Variants in CD34 observed in about 807,000 individuals in gnomAD.
CD34 encodes CD34 molecule.
A neutral mutation model predicts 40.1 loss-of-function variants in CD34; 34 were observed. The ratio of observed to expected loss-of-function variants is 0.85; its 90% CI spans 0.65 to 1.13. The LOEUF (loss-of-function observed/expected upper bound fraction) is 1.13, where lower values mean the gene tolerates loss of function less well. Among genes scored for constraint, CD34 ranks in the 50% most tolerant of loss-of-function variants. The probability of loss-of-function intolerance (pLI) is 0.00; values close to 1 mark genes in which losing one functional copy is unlikely to be tolerated. For synonymous variants in CD34, 209 were observed against 190.0 expected, an observed-to-expected ratio of 1.10 and a Z score of -0.82; for missense variants, 426 against 466.9, an observed-to-expected ratio of 0.91 and a Z score of 0.81.
intron 4 of CD34, among the ~76,000 whole-genome samples, chr1:207,890,698 G>A (rs1662013401): frequency 6.6e-6 from 1 of 152,132 alleles, no homozygotes; most frequent in Non-Finnish European, 1.5e-5. Flanking sequence ...AAAACAACTG[G>A]GCTTGGATAA....
At chr1:207,902,320 G>A (rs1662287324) in intron 1 of CD34, among the ~76,000 whole-genome samples, 1 of 152,198 alleles carries the variant, frequency 6.6e-6, no homozygotes, top group Non-Finnish European at 1.5e-5. Context: ...AGGTTAGGCT[G>A]GGTCTAAACT....
intron 1 of CD34, among the ~76,000 whole-genome samples, chr1:207,900,969 T>A (rs1662260969): frequency 6.6e-6 from 1 of 151,604 alleles, no homozygotes; most frequent in Non-Finnish European, 1.5e-5. Context: ...TCTTTGCACA[T>A]CTCTTCTGTA....
At chr1:207,896,394 T>A (rs1266626910) in intron 4 of CD34, among the ~76,000 whole-genome samples, 2 of 152,168 alleles carry the variant, frequency 1.3e-5, no homozygotes, top group Non-Finnish European at 2.9e-5. Context: ...ACAAGAGGCA[T>A]AACTACTAAA....
At chr1:207,889,317 A>T in intron 5 of CD34, 104 bp from the exon 6 acceptor site, 1 of 1,576,444 alleles carries the variant, frequency 6.3e-7, no homozygotes, top group Non-Finnish European at 8.7e-7. Flanking sequence ...AGGGTGGTCC[A>T]TCTCGGGGGG....
At position 207,887,920 on chromosome 1, in the gene CD34, C is replaced by A. The variant is rs375699533; in HGVS notation, c.976G>T (p.Glu326Ter). The A allele has an allele frequency of 6.2e-7, 1 of 1,613,444 alleles. No homozygotes were observed. Among genetic ancestry groups the A allele is most frequent in the Non-Finnish European group, 8.5e-7 (1 of 1,179,732 alleles). ...SWSPTGERLGEDPYYTENGGG... is the reference protein window; with the variant it reads ...SWSPTGERLG ...CCGTTTTCCGTGTAATAAGGGTCTTCGCCCTAGACAGTGTATAAATAAAGT... is the reference window on the plus strand; with the variant it reads ...CCGTTTTCCGTGTAATAAGGGTCTTAGCCCTAGACAGTGTATAAATAAAGT... The change falls in exon 8 of 8, where the codon GAA becomes TAA. Residue 326 changes from glutamate to a stop codon, truncating the protein, a stop_gained. Coordinates refer to ENST00000310833, the MANE Select transcript of CD34 (RefSeq NM_001025109.2). LOFTEE classifies it high-confidence loss of function.
intron 3 of CD34, 127 bp from the exon 4 acceptor site, chr1:207,897,700 G>T (rs557210922): frequency 3.1e-5 from 22 of 714,090 alleles, no homozygotes; most frequent in South Asian, 1.9e-4. Context: ...TTAAGGAAAA[G>T]GACATTTAAA....
In CD34 at chr1:207,911,023, G is replaced by C. The variant is rs1447914788; in HGVS notation, c.58C>G (p.Leu20Val). 5 of 1,592,492 alleles carry C rather than the reference G, an allele frequency of 3.1e-6. No individual in the cohort carries two copies. Among genetic ancestry groups the C allele is most frequent in the Non-Finnish European group, 4.3e-6 (5 of 1,172,584 alleles). ...TCACGCAGCAAACTCAGCAAGCAAAGCGCGGTCCAGCCCCGCGGCATCCTG... is the reference window on the plus strand; with the variant it reads ...TCACGCAGCAAACTCAGCAAGCAAACCGCGGTCCAGCCCCGCGGCATCCTG... ...GPRMPRGWTA[L>V]CLLSLLPSGF... Residue 20 changes from leucine (L) to valine (V), a missense_variant, in exon 1 of 8, where the codon CTT (leucine) becomes GTT (valine). Coordinates refer to ENST00000310833, the MANE Select transcript of CD34 (RefSeq NM_001025109.2).
intron 1 of CD34, among the ~76,000 whole-genome samples, chr1:207,909,238 G>A (rs560753150): frequency 4.6e-5 from 7 of 152,158 alleles, no homozygotes; most frequent in South Asian, 2.1e-4. Flanking sequence ...CCCCAACCTC[G>A]GCAGGCCAAG....
chr1:207,903,070 C>T (rs1254315804), intron 1 of CD34, among the ~76,000 whole-genome samples: 1 of 152,178 alleles, frequency 6.6e-6, no homozygotes, highest in South Asian at 2.1e-4. Context: ...CTGGAAATGC[C>T]TGAGCTGGTG....
At chr1:207,896,641 A>C (rs1036771560) in intron 4 of CD34, among the ~76,000 whole-genome samples, 9 of 152,214 alleles carry the variant, frequency 5.9e-5, no homozygotes. Context: ...CTAGAGAAAA[A>C]AGCTAAAGAA....
rs78764397 is a variant in CD34, at chr1:207,882,854, C to T, written c.*4884G>A. ...CTGGGAAGCCTTCCATGGTCTTCCACGGCTTCCATGCCCCTCCCACTCAGA... is the reference window on the plus strand; with the variant it reads ...CTGGGAAGCCTTCCATGGTCTTCCATGGCTTCCATGCCCCTCCCACTCAGA... On this transcript the variant is annotated 3_prime_UTR_variant, in exon 8 of 8. Transcript: ENST00000310833. 0.011 allele frequency: 1,633 copies of T among 152,268 alleles called. 17 individuals carry two copies. The highest frequency in any genetic ancestry group is 0.019 in the Non-Finnish European group (1,262 of 68,088). The allele number at this position is 152,268 out of a possible 1,614,324, so 9.4% of individuals were successfully genotyped here.
chr1:207,882,976 G>A lies in CD34; in HGVS notation c.*4762C>T, dbSNP rs1661834366. On this transcript the variant is annotated 3_prime_UTR_variant, in exon 8 of 8. Transcript: ENST00000310833. ...GTAAAGACTTGACAGAAGGGACTAT[G>A]TCTTATCCCAGGTGCCTGGCATAGT... 6.6e-6 allele frequency: 1 copy of A among 152,144 alleles called. No individual in the cohort carries two copies. Among genetic ancestry groups the A allele is most frequent in the Non-Finnish European group, 1.5e-5 (1 of 68,032 alleles). The allele number at this position is 152,144 out of a possible 1,614,324, so 9.4% of individuals were successfully genotyped here.
At chr1:207,900,059 C>A (rs1018003548) in intron 1 of CD34, 56 bp from the exon 2 acceptor site, 4 of 1,349,488 alleles carry the variant, frequency 3.0e-6, no homozygotes, top group Non-Finnish European at 4.1e-6. Flanking sequence ...CTGGTGATAT[C>A]ACCTGATGCA....
intron 3 of CD34, among the ~76,000 whole-genome samples, chr1:207,898,596 A>G (rs879641556): frequency 6.6e-6 from 1 of 152,196 alleles, no homozygotes; most frequent in Non-Finnish European, 1.5e-5. Flanking sequence ...TGTCCTAACC[A>G]TTGTGGGAGA....
In CD34 at chr1:207,887,557, A is replaced by G; in HGVS notation, c.*181T>C. Reference sequence around the variant, plus strand: ...TGGCTCCAGGGAGCCGAATGTGTAAAGGACAGGAGTTTACCTGCCCCTCCT... The same window carrying G: ...TGGCTCCAGGGAGCCGAATGTGTAAGGGACAGGAGTTTACCTGCCCCTCCT... On this transcript the variant is annotated 3_prime_UTR_variant, in exon 8 of 8. Transcript: ENST00000310833. The G allele has an allele frequency of 1.3e-6, 1 of 787,182 alleles. No individual in the cohort carries two copies. The highest frequency in any genetic ancestry group is 2.0e-6 in the Non-Finnish European group (1 of 509,392). The allele number at this position is 787,182 out of a possible 1,614,324, so 48.8% of individuals were successfully genotyped here.
intron 2 of CD34, among the ~76,000 whole-genome samples, chr1:207,899,516 G>A (rs1229480171): frequency 6.6e-6 from 1 of 152,092 alleles, no homozygotes; most frequent in Non-Finnish European, 1.5e-5. Context: ...AGAAGAGATC[G>A]GAGATCTCTA....
intron 1 of CD34, among the ~76,000 whole-genome samples, chr1:207,902,983 C>T (rs1482692377): frequency 6.6e-6 from 1 of 152,062 alleles, no homozygotes; most frequent in East Asian, 1.9e-4. Context: ...GGGCTCTGAC[C>T]CCAGGGTGAG....
At chr1:207,890,016 A>G in intron 4 of CD34, 1 of 1,393,972 alleles carries the variant, frequency 7.2e-7, no homozygotes. Flanking sequence ...GTCCCCAATG[A>G]TGGAAGAAAA....
chr1:207,893,507 C>A (rs1446734571), intron 4 of CD34, among the ~76,000 whole-genome samples: 2 of 152,126 alleles, frequency 1.3e-5, no homozygotes, highest in South Asian at 2.1e-4. Context: ...CAAGTGGGGG[C>A]AGCTAACGAA....
Sources: gnomAD v4.1 joint callset for allele counts (sites outside exome capture counted in the v4.1 genomes callset) on GRCh38, gnomAD v4.1.1 for gene constraint, MANE v1.5 for transcripts, NCBI Gene and HGNC (gene_info 2026-07-23, HGNC 2026-07-21) for gene names.